Variants in RNF185 observed in about 807,000 individuals in gnomAD.
The protein encoded by RNF185 is ring finger protein 185, also known as E3 ubiquitin-protein ligase RNF185.
Under a neutral mutation model 24.9 loss-of-function variants are expected in RNF185, and 13 were observed. That is an observed-to-expected ratio of 0.52 (90% CI 0.34 to 0.83). The LOEUF is 0.83. RNF185 is among the 40% of genes least tolerant of loss of function. RNF185 has a pLI of 0.01. For synonymous variants in RNF185, 79 were observed against 90.3 expected, an observed-to-expected ratio of 0.88 and a Z score of 0.71; for missense variants, 184 against 244.7, an observed-to-expected ratio of 0.75 and a Z score of 1.65.
chr22:31,162,612 T>C (rs1371114461), intron 1 of RNF185, among the ~76,000 whole-genome samples: 1 of 108,100 alleles, frequency 9.3e-6, no homozygotes, highest in Non-Finnish European at 1.8e-5. Context: ...CTACTTGATG[T>C]CAAATCTTTT....
At chr22:31,197,060 C>G (rs551445721) in intron 5 of RNF185, 70 bp downstream of exon 5, 98 of 1,588,782 alleles carry the variant, frequency 6.2e-5, no homozygotes, top group Admixed American at 1.3e-4. Flanking sequence ...CTTAGCCTTA[C>G]AATTTTTCTC....
At chr22:31,172,017 G>A (rs1016072565) in intron 1 of RNF185, among the ~76,000 whole-genome samples, 3 of 151,994 alleles carry the variant, frequency 2.0e-5, no homozygotes, top group Admixed American at 6.6e-5. Context: ...AGTATATACC[G>A]GGTATTAAAA....
rs1438069876 is a variant in RNF185, at chr22:31,204,756, C to T, written c.*170C>T. 9 of 592,492 alleles carry T rather than the reference C, an allele frequency of 1.5e-5. No individual in the cohort carries two copies. The highest frequency in any genetic ancestry group is 3.8e-5 in the South Asian group (2 of 53,014). The allele number at this position is 592,492 out of a possible 1,614,324, so 36.7% of individuals were successfully genotyped here. ...AGCTTTGGAACTCGAGACCAGTTGGCGATGACCCCTGAATATCGCCACCGC... is the reference window on the plus strand; with the variant it reads ...AGCTTTGGAACTCGAGACCAGTTGGTGATGACCCCTGAATATCGCCACCGC... On this transcript the variant is annotated 3_prime_UTR_variant, in exon 7 of 7. Coordinates refer to ENST00000326132, the MANE Select transcript of RNF185 (RefSeq NM_152267.4).
intron 3 of RNF185, among the ~76,000 whole-genome samples, chr22:31,195,181 G>A (rs968491818): frequency 1.6e-4 from 24 of 152,116 alleles, no homozygotes; most frequent in Middle Eastern, 3.2e-3. Context: ...TTGAACTCCT[G>A]ACCTCAGGTG....
chr22:31,204,115 C>T (rs1229742324), intron 6 of RNF185, among the ~76,000 whole-genome samples: 3 of 150,666 alleles, frequency 2.0e-5, no homozygotes, highest in African/African-American at 7.3e-5. Context: ...GAGGCTGAGG[C>T]AGGCGGATCA....
At chr22:31,180,911 CTCTCTGTGTGTG>C (rs1366281776) in intron 1 of RNF185, among the ~76,000 whole-genome samples, 3,687 of 124,492 alleles carry the variant, frequency 0.03, 134 homozygotes, top group Admixed American at 0.1. Flanking sequence ...TTTTCTCTCT[CTCTCTGTGTGTG>C]TGTGTGTGTG....
intron 1 of RNF185, among the ~76,000 whole-genome samples, chr22:31,172,445 T>A (rs1334963427): frequency 6.6e-6 from 1 of 151,798 alleles, no homozygotes; most frequent in Non-Finnish European, 1.5e-5. Flanking sequence ...CACTGTTTCA[T>A]ACTTATTTAA....
At chr22:31,192,592 C>A in intron 2 of RNF185, 92 bp from the exon 3 acceptor site, 1 of 1,053,008 alleles carries the variant, frequency 9.5e-7, no homozygotes, top group Non-Finnish European at 1.5e-6. Context: ...TACCACTCCA[C>A]CCATCAAGTG....
At position 31,205,449 on chromosome 22, in the gene RNF185, CT is replaced by C. The variant is rs1156463680; in HGVS notation, c.*866del. Reference sequence around the variant, plus strand: ...CATTAGGAAAGACCTGGAGTCAGGACTTTGGTGGGATTTGGAGCTCCGAGGC... The same window carrying C: ...CATTAGGAAAGACCTGGAGTCAGGACTTGGTGGGATTTGGAGCTCCGAGGC... On this transcript the variant is annotated 3_prime_UTR_variant, in exon 7 of 7. Coordinates refer to ENST00000326132, the MANE Select transcript of RNF185 (RefSeq NM_152267.4). 1 of 156,606 alleles carries C rather than the reference CT, an allele frequency of 6.4e-6. No homozygotes were observed. Among genetic ancestry groups the C allele is most frequent in the Non-Finnish European group, 1.5e-5 (1 of 68,060 alleles). 9.7% of individuals were successfully genotyped at this position (156,606 alleles called of 1,614,324 possible).
In RNF185 at chr22:31,205,715, T is replaced by C. The variant is rs1468143327; in HGVS notation, c.*1129T>C. On this transcript the variant is annotated 3_prime_UTR_variant, in exon 7 of 7. Transcript: ENST00000326132. ...CCCTGAAAACTCCTTGTATGTGTGC[T>C]AAAACCAGGGAAGCATGTGACTGCC... 1 of 152,212 alleles carries C rather than the reference T, an allele frequency of 6.6e-6. No homozygotes were observed. Among genetic ancestry groups the C allele is most frequent in the Non-Finnish European group, 1.5e-5 (1 of 68,030 alleles). 9.4% of individuals were successfully genotyped at this position (152,212 alleles called of 1,614,324 possible). A position where few individuals can be genotyped will look rare whatever the true frequency, so the allele number is the denominator to read the frequency against.
intron 1 of RNF185, among the ~76,000 whole-genome samples, chr22:31,185,388 C>T (rs1249279373): frequency 6.6e-6 from 1 of 152,172 alleles, no homozygotes; most frequent in African/African-American, 2.4e-5. Context: ...CTTGTCTTCT[C>T]ATACTCTGGA....
At chr22:31,170,555 G>T (rs553153640) in intron 1 of RNF185, among the ~76,000 whole-genome samples, 1 of 151,810 alleles carries the variant, frequency 6.6e-6, no homozygotes, top group Non-Finnish European at 1.5e-5. Flanking sequence ...CTGTCACCCA[G>T]GGTGGAGTGC....
intron 1 of RNF185, among the ~76,000 whole-genome samples, chr22:31,161,953 C>T (rs1368344942): frequency 6.7e-6 from 1 of 149,546 alleles, no homozygotes; most frequent in African/African-American, 2.5e-5. Flanking sequence ...GAACTCCTGA[C>T]CTCAAGTGAT....
chr22:31,193,971 G>A (rs2048179890), intron 3 of RNF185, among the ~76,000 whole-genome samples: 1 of 143,168 alleles, frequency 7.0e-6, no homozygotes, highest in African/African-American at 2.6e-5. Flanking sequence ...CGGCTCACTG[G>A]AACCTCCGCC....
chr22:31,199,236 C>A (rs2048238639), intron 5 of RNF185, among the ~76,000 whole-genome samples: 1 of 152,142 alleles, frequency 6.6e-6, no homozygotes, highest in African/African-American at 2.4e-5. Flanking sequence ...TATGCATGAT[C>A]TCATTTAAGC....
chr22:31,172,414 C>A (rs1302038474), intron 1 of RNF185, among the ~76,000 whole-genome samples: 1 of 151,376 alleles, frequency 6.6e-6, no homozygotes, highest in Admixed American at 6.6e-5. Flanking sequence ...TCATTAATTT[C>A]TTTGTCTAAT....
intron 1 of RNF185, among the ~76,000 whole-genome samples, chr22:31,178,016 G>A (rs1032840054): frequency 1.3e-5 from 2 of 152,184 alleles, no homozygotes; most frequent in African/African-American, 2.4e-5. Context: ...GCCAGCTCTG[G>A]GAAGGTAATA....
chr22:31,178,810 T>G lies in RNF185; in HGVS notation c.-48-8237T>G, dbSNP rs190463598. Among the ~76,000 whole-genome samples, 9 of 152,330 alleles carry G rather than the reference T, an allele frequency of 5.9e-5. No individual in the cohort carries two copies. The East Asian group carries it at 1.7e-3, about 29-fold the overall frequency. ...GTGATTAATTTACTCTGTACTCATTTCAAACAGCACAAAAGTTACAACATT... is the reference window on the plus strand; with the variant it reads ...GTGATTAATTTACTCTGTACTCATTGCAAACAGCACAAAAGTTACAACATT... On this transcript the variant is annotated intron_variant, in intron 1 of 6. Coordinates refer to ENST00000326132, the MANE Select transcript of RNF185 (RefSeq NM_152267.4).
intron 1 of RNF185, among the ~76,000 whole-genome samples, chr22:31,168,993 C>T (rs761536191): frequency 1.4e-4 from 22 of 152,108 alleles, no homozygotes; most frequent in Non-Finnish European, 2.9e-4. Context: ...CTGCAACCTC[C>T]ACCTCCTGGG....
Sources: gnomAD v4.1 joint callset for allele counts (sites outside exome capture counted in the v4.1 genomes callset) on GRCh38, gnomAD v4.1.1 for gene constraint, MANE v1.5 for transcripts, NCBI Gene and HGNC (gene_info 2026-07-23, HGNC 2026-07-21) for gene names.